The following UGT1A7 variants were observed in gnomAD, a reference collection of about 807,000 sequenced individuals.
UGT1A7 encodes the protein UDP glucuronosyltransferase family 1 member A7, also known as UDP-glucuronosyltransferase 1A7.
UGT1A7 carries 33 observed loss-of-function variants against 45.6 expected under a neutral mutation model. The ratio of observed to expected loss-of-function variants is 0.72; its 90% CI spans 0.55 to 0.97. The LOEUF (loss-of-function observed/expected upper bound fraction) is 0.97. Ranked by LOEUF, UGT1A7 falls within the 50% of genes least tolerant of loss-of-function variation. The pLI, the probability that UGT1A7 is intolerant of heterozygous loss-of-function variation, is 0.00. For missense variants in UGT1A7, 684 were observed against 666.2 expected (o/e 1.03, Z -0.29); for synonymous variants, 274 against 250.6 (o/e 1.09, Z -0.88).
At chr2:233,711,189 C>G (rs2076167419) in intron 1 of UGT1A7, among the ~76,000 whole-genome samples, 2 of 152,232 alleles carry the variant, frequency 1.3e-5, no homozygotes, top group African/African-American at 4.8e-5. Flanking sequence ...GCTACTCCCT[C>G]CCCACAGTCC....
chr2:233,682,911 A>G, intron 1 of UGT1A7, 119 bp downstream of exon 1: 2 of 1,495,816 alleles, frequency 1.3e-6, no homozygotes, highest in Non-Finnish European at 1.8e-6. Flanking sequence ...TTCTGGTTTA[A>G]GGAATTCTTT....
chr2:233,747,456 A>G (rs1299694493), intron 1 of UGT1A7: 47 of 1,608,814 alleles, frequency 2.9e-5, no homozygotes, highest in Non-Finnish European at 3.7e-5. Context: ...AACCTATGCC[A>G]TTTCATGGAC....
rs888574084 is a variant in UGT1A7 at position 233,700,593 on chromosome 2, C to A, written c.855+17801C>A. 9.9e-5 allele frequency among the ~76,000 whole-genome samples: 15 copies of A among 152,184 alleles called. No homozygotes were observed. In the South Asian group the frequency reaches 2.3e-3, roughly 23 times the overall value. Reference sequence around the variant, plus strand: ...TATTATGATGCAATTTATTATGATACAATTCACTCTTTTTTTGGGGGGGTT... The same window carrying A: ...TATTATGATGCAATTTATTATGATAAAATTCACTCTTTTTTTGGGGGGGTT... On this transcript the variant is annotated intron_variant, in intron 1 of 4. Transcript: ENST00000373426.
chr2:233,713,582 A>G (rs2076331965), intron 1 of UGT1A7: 26 of 1,613,952 alleles, frequency 1.6e-5, no homozygotes, highest in Non-Finnish European at 2.2e-5. Context: ...TTCCTAGATT[A>G]CTAACGACCA....
chr2:233,723,392 T>C (rs1199723178), intron 1 of UGT1A7, among the ~76,000 whole-genome samples: 1 of 129,940 alleles, frequency 7.7e-6, no homozygotes, highest in Non-Finnish European at 1.6e-5. Context: ...GTACTTTTAG[T>C]AGAGATGGGG....
At chr2:233,686,730 C>T (rs1405660638) in intron 1 of UGT1A7, among the ~76,000 whole-genome samples, 1 of 152,212 alleles carries the variant, frequency 6.6e-6, no homozygotes, top group Non-Finnish European at 1.5e-5. Flanking sequence ...TGAAGGTCAA[C>T]CTCTTGCCTT....
Position 233,682,797 on chromosome 2 carries a change from G to C in UGT1A7, c.855+5G>C, listed in dbSNP as rs375716433. ...CAGGGAAAGCCAGTGCCTATGGTAA[G>C]TTATCTCCCCTTTAGCACATTAAGA... On this transcript the variant is annotated splice_donor_5th_base_variant and intron_variant, in intron 1 of 4. Transcript: ENST00000373426. 257 of 1,610,126 alleles carry C rather than the reference G, an allele frequency of 1.6e-4. No individual in the cohort carries two copies. Among genetic ancestry groups the C allele is most frequent in the South Asian group, 2.3e-4 (21 of 90,718 alleles).
At chr2:233,757,679 A>C (rs1462473576) in intron 1 of UGT1A7, among the ~76,000 whole-genome samples, 1 of 151,534 alleles carries the variant, frequency 6.6e-6, no homozygotes, top group African/African-American at 2.4e-5. Context: ...CAAGGAATTC[A>C]AGGGATTCAA....
At chr2:233,705,373 G>A (rs1270805746) in intron 1 of UGT1A7, among the ~76,000 whole-genome samples, 3 of 152,052 alleles carry the variant, frequency 2.0e-5, no homozygotes, top group African/African-American at 7.2e-5. Flanking sequence ...CTTTTATTTT[G>A]TTTGTGCCTT....
At chr2:233,768,516 G>T in intron 4 of UGT1A7, 77 bp downstream of exon 4, 22 of 1,549,322 alleles carry the variant, frequency 1.4e-5, no homozygotes, top group Non-Finnish European at 1.9e-5. Context: ...AAACATTTAC[G>T]TAGCATTTAA....
chr2:233,710,135 T>C (rs560967814), intron 1 of UGT1A7, among the ~76,000 whole-genome samples: 1 of 152,360 alleles, frequency 6.6e-6, no homozygotes, highest in African/African-American at 2.4e-5. Context: ...AGCATTTCAT[T>C]GTATAGATAT....
rs587784540 is a variant in UGT1A7 at position 233,760,766 on chromosome 2, T to A, written c.856-6268T>A. 1.9e-6 allele frequency: 3 copies of A among 1,614,116 alleles called. No individual in the cohort carries two copies. The South Asian group carries it at 3.3e-5, about 18-fold the overall frequency. On this transcript the variant is annotated intron_variant, in intron 1 of 4. Coordinates refer to ENST00000373426, the MANE Select transcript of UGT1A7 (RefSeq NM_019077.3). ...CCTTTCCTTCCTTGCAGCCCCATCG[T>A]GGCCCAGTACCTGTCTCTGCCCACT...
In UGT1A7 at chr2:233,767,104, C is replaced by T. The variant is rs1699318263; in HGVS notation, c.926C>T (p.Ser309Leu). The part of the protein sequence containing the change: ...IVVFSLGSMV[S>L]EIPEKKAMAI... ...GTTTTCTCTTTGGGATCAATGGTCT[C>T]AGAAATTCCAGAGAAGAAAGCTATG... The change falls in exon 2 of 5, where the codon TCA becomes TTA. Residue 309 changes from serine to leucine, a missense_variant. Ser to Leu is a moderately radical substitution (Grantham distance 145). Coordinates refer to ENST00000373426, the MANE Select transcript of UGT1A7 (RefSeq NM_019077.3). 6.2e-7 allele frequency: 1 copy of T among 1,614,114 alleles called. No individual in the cohort carries two copies. The highest frequency in any genetic ancestry group is 8.5e-7 in the Non-Finnish European group (1 of 1,180,014).
intron 1 of UGT1A7, chr2:233,743,038 A>C (rs968490640): frequency 1.1e-4 from 31 of 283,022 alleles, no homozygotes; most frequent in Non-Finnish European, 2.8e-5. Context: ...CAGAGGTCCT[A>C]TCCGTGTAGT....
Position 233,747,767 on chromosome 2 carries a change from A to G in UGT1A7, c.856-19267A>G, listed in dbSNP as rs1240243146. 273 of 1,613,386 alleles carry G rather than the reference A, an allele frequency of 1.7e-4. 1 individual carries two copies. The South Asian group carries it at 2.9e-3, about 17-fold the overall frequency. On this transcript the variant is annotated intron_variant, in intron 1 of 4. Coordinates refer to ENST00000373426, the MANE Select transcript of UGT1A7 (RefSeq NM_019077.3). ...CATGTGATTTAGACTTTAAGGGCAC[A>G]CAGTGTCCAAATCCTTCCTCCTATA... is the stretch of plus-strand genomic sequence containing the variant.
In UGT1A7 at chr2:233,744,010, C is replaced by A; in HGVS notation, c.856-23024C>A. 3.5e-6 allele frequency: 4 copies of A among 1,130,890 alleles called. No individual in the cohort carries two copies. In the South Asian group the frequency reaches 4.3e-5, roughly 12 times the overall value. 70.1% of individuals were successfully genotyped at this position (1,130,890 alleles called of 1,614,324 possible). On this transcript the variant is annotated intron_variant, in intron 1 of 4. Transcript: ENST00000373426. ...AGGCCCGAGTGCTCGGAGACCTGGG[C>A]CGCCTGGAGAGACGCCCCTTATGAC...
intron 1 of UGT1A7, chr2:233,743,046 AG>A: frequency 3.1e-6 from 1 of 319,454 alleles, no homozygotes; most frequent in Non-Finnish European, 6.1e-6. Context: ...CTATCCGTGT[AG>A]TCCCAACGAT....
Position 233,694,053 on chromosome 2 carries a change from G to A in UGT1A7, c.855+11261G>A, listed in dbSNP as rs1403841501. Among the ~76,000 whole-genome samples the A allele has an allele frequency of 5.3e-5, 8 of 152,180 alleles. No homozygotes were observed. The South Asian group carries it at 8.3e-4, about 16-fold the overall frequency. ...AGGCTGAAGTGATACAGAGGCATTC[G>A]GATGAAGACAGGGCTCATGCTTGGC... On this transcript the variant is annotated intron_variant, in intron 1 of 4. Coordinates refer to ENST00000373426, the MANE Select transcript of UGT1A7 (RefSeq NM_019077.3).
chr2:233,721,867 A>G (rs1329615455), intron 1 of UGT1A7: 1 of 503,090 alleles, frequency 2.0e-6, no homozygotes, highest in African/African-American at 1.9e-5. Context: ...GGCCCTGGGC[A>G]CACTTGCCAG....
Sources: allele counts gnomAD v4.1 joint callset (sites outside exome capture counted in the v4.1 genomes callset), GRCh38; gene constraint gnomAD v4.1.1; transcripts MANE v1.5; gene names NCBI Gene and HGNC (gene_info 2026-07-23, HGNC 2026-07-21).